KLF12: variants seen among roughly 807,000 people sequenced by gnomAD.
KLF12 encodes the protein Krueppel-like factor 12.
A neutral mutation model predicts 37.8 loss-of-function variants in KLF12; 9 were observed. The observed-to-expected ratio is 0.24, with a 90% CI of 0.14 to 0.42. The LOEUF (loss-of-function observed/expected upper bound fraction) is 0.42, where lower values mean the gene tolerates loss of function less well. Among genes scored for constraint, KLF12 ranks in the 10% least tolerant of loss-of-function variants. The pLI, the probability that KLF12 is intolerant of heterozygous loss-of-function variation, is 1.00. For synonymous variants in KLF12, 208 were observed against 202.1 expected (o/e 1.03, Z -0.25); for missense variants, 411 against 516.0 (o/e 0.80, Z 1.97).
At chr13:74,234,661 C>T in the KLF12 span, among the ~76,000 whole-genome samples, 1 of 152,114 alleles carries the variant, frequency 6.6e-6, no homozygotes, top group South Asian at 2.1e-4. Flanking sequence ...GTTATTCATT[C>T]GTTTGGCTAT....
At chr13:73,828,236 T>C (rs951410875) in intron 4 of KLF12, among the ~76,000 whole-genome samples, 1 of 152,210 alleles carries the variant, frequency 6.6e-6, no homozygotes, top group African/African-American at 2.4e-5. Flanking sequence ...TTTAAGATTT[T>C]GTTTAGGGAA....
the KLF12 span, among the ~76,000 whole-genome samples, chr13:74,241,321 A>G: frequency 1.3e-4 from 19 of 151,214 alleles, no homozygotes; most frequent in Admixed American, 7.2e-4. Context: ...CCAGCTGCGT[A>G]CTGGGAGAAC....
chr13:74,239,241 T>A, the KLF12 span, among the ~76,000 whole-genome samples: 1 of 152,148 alleles, frequency 6.6e-6, no homozygotes, highest in Non-Finnish European at 1.5e-5. Flanking sequence ...TTCCATGTAG[T>A]TGAGCCGTTT....
chr13:74,276,764 G>A, the KLF12 span, among the ~76,000 whole-genome samples: 5 of 152,116 alleles, frequency 3.3e-5, no homozygotes, highest in African/African-American at 7.2e-5. Context: ...AGGCTACCCC[G>A]TTTTCACTAT....
chr13:74,209,377 G>T, the KLF12 span, among the ~76,000 whole-genome samples: 70 of 152,140 alleles, frequency 4.6e-4, no homozygotes, highest in African/African-American at 1.6e-3. Flanking sequence ...TCTACGATAA[G>T]CTTCTGAGCA....
the KLF12 span, among the ~76,000 whole-genome samples, chr13:74,234,199 A>G: frequency 4.6e-5 from 7 of 152,344 alleles, no homozygotes; most frequent in East Asian, 1.9e-4. Flanking sequence ...CATGGAATAC[A>G]TATAGAAAAA....
chr13:74,213,685 T>C, the KLF12 span, among the ~76,000 whole-genome samples: 1 of 148,858 alleles, frequency 6.7e-6, no homozygotes, highest in East Asian at 2.1e-4. Context: ...CTATTTGAAA[T>C]ATTATTTTTC....
chr13:73,823,657 T>C (rs1883663502), intron 4 of KLF12, among the ~76,000 whole-genome samples: 1 of 152,204 alleles, frequency 6.6e-6, no homozygotes, highest in African/African-American at 2.4e-5. Context: ...ATACATACTG[T>C]TGGACCTTTC....
chr13:73,823,604 G>T (rs9888532), intron 4 of KLF12, among the ~76,000 whole-genome samples: 35,567 of 152,006 alleles, frequency 0.23, 4,416 homozygotes, highest in East Asian at 0.48. Flanking sequence ...TTGAAGATAT[G>T]GTCTAAGACT....
At chr13:73,721,897 A>C (rs1396286799) in intron 6 of KLF12, among the ~76,000 whole-genome samples, 1 of 152,030 alleles carries the variant, frequency 6.6e-6, no homozygotes, top group Non-Finnish European at 1.5e-5. Context: ...TTTCCAAGGG[A>C]AATGTTTTTT....
At chr13:73,957,996 G>C (rs866147417) in intron 2 of KLF12, among the ~76,000 whole-genome samples, 2 of 152,174 alleles carry the variant, frequency 1.3e-5, no homozygotes, top group South Asian at 2.1e-4. Context: ...ATGCAGAAAA[G>C]CAAACCACAA....
chr13:73,936,924 GCTCAGGCCT>G (rs1209890556), intron 3 of KLF12, among the ~76,000 whole-genome samples: 4 of 152,188 alleles, frequency 2.6e-5, no homozygotes, highest in Non-Finnish European at 4.4e-5. Flanking sequence ...AGGCGCAGTG[GCTCAGGCCT>G]ATAATCCCAA....
chr13:73,898,714 A>C (rs1490484865), intron 3 of KLF12, among the ~76,000 whole-genome samples: 1 of 152,234 alleles, frequency 6.6e-6, no homozygotes, highest in Admixed American at 6.5e-5. Context: ...TAAAAATGAC[A>C]GTACGCCCAA....
At chr13:73,730,869 G>C (rs963317816) in intron 6 of KLF12, among the ~76,000 whole-genome samples, 11 of 152,216 alleles carry the variant, frequency 7.2e-5, no homozygotes, top group African/African-American at 2.4e-4. Context: ...ACGTATGACA[G>C]ACTGAATGTT....
intron 6 of KLF12, among the ~76,000 whole-genome samples, chr13:73,743,467 T>C (rs561786651): frequency 6.6e-6 from 1 of 152,322 alleles, no homozygotes; most frequent in Admixed American, 6.5e-5. Context: ...TCTGAGATCC[T>C]GAAAGCACCG....
At chr13:74,121,477 A>T (rs1877631646) in intron 1 of KLF12, among the ~76,000 whole-genome samples, 1 of 152,072 alleles carries the variant, frequency 6.6e-6, no homozygotes, top group Admixed American at 6.6e-5. Context: ...CAAAACAAAC[A>T]AGCAAACAAA....
At chr13:73,913,619 C>T (rs925302010) in intron 3 of KLF12, among the ~76,000 whole-genome samples, 5 of 152,150 alleles carry the variant, frequency 3.3e-5, no homozygotes, top group Admixed American at 3.3e-4. Flanking sequence ...GAGAACTGGA[C>T]TGGATGGGCT....
At chr13:73,792,210 G>C (rs1415807533) in intron 5 of KLF12, among the ~76,000 whole-genome samples, 1 of 152,140 alleles carries the variant, frequency 6.6e-6, no homozygotes, top group African/African-American at 2.4e-5. Flanking sequence ...TCACGTCTTA[G>C]AGGAAAGCTG....
At chr13:73,785,543 T>A (rs965224581) in intron 5 of KLF12, among the ~76,000 whole-genome samples, 1 of 152,188 alleles carries the variant, frequency 6.6e-6, no homozygotes, top group East Asian at 1.9e-4. Context: ...TATGTTCACT[T>A]GGATATCCAC....
Sources: gnomAD v4.1 joint callset for allele counts (sites outside exome capture counted in the v4.1 genomes callset) on GRCh38, gnomAD v4.1.1 for gene constraint, MANE v1.5 for transcripts, NCBI Gene and HGNC (gene_info 2026-07-23, HGNC 2026-07-21) for gene names.